The following MSI2 variants were observed in gnomAD, a reference collection of about 807,000 sequenced individuals.
MSI2 encodes the protein musashi RNA binding protein 2, also known as RNA-binding protein Musashi homolog 2.
Under a neutral mutation model 45.6 loss-of-function variants are expected in MSI2, and 17 were observed. The observed-to-expected ratio is 0.37, with a 90% CI of 0.26 to 0.56. MSI2 has a LOEUF of 0.56. Ranked by LOEUF, MSI2 falls within the 20% of genes least tolerant of loss-of-function variation. The pLI, the probability that MSI2 is intolerant of heterozygous loss-of-function variation, is 0.77. For synonymous variants in MSI2, 156 were observed against 158.2 expected (o/e 0.99, Z 0.11); for missense variants, 293 against 444.2 (o/e 0.66, Z 3.06).
intron 5 of MSI2, among the ~76,000 whole-genome samples, chr17:57,295,285 G>T (rs1910824970): frequency 6.6e-6 from 1 of 152,110 alleles, no homozygotes; most frequent in African/African-American, 2.4e-5. Context: ...TGCTTGCTTA[G>T]GGAGATGGCT....
intron 6 of MSI2, chr17:57,450,259 G>GAAAGAAAGAAAGAAAGAAAGAAAGAAAGA (rs2084976416): frequency 8.7e-5 from 1 of 11,500 alleles, no homozygotes; most frequent in Non-Finnish European, 4.7e-4. Flanking sequence ...CCAGCTTAAA[G>GAAAGAAAGAAAGAAAGAAAGAAAGAAAGA]AAAGAAAGAA....
intron 7 of MSI2, among the ~76,000 whole-genome samples, chr17:57,565,560 C>T (rs1567903922): frequency 6.6e-6 from 1 of 152,216 alleles, no homozygotes; most frequent in Non-Finnish European, 1.5e-5. Flanking sequence ...TGTCCTGCTC[C>T]ATCACAGCCT....
chr17:57,556,717 C>T lies in MSI2; in HGVS notation c.454+26993C>T, dbSNP rs185582487. 3.9e-5 allele frequency among the ~76,000 whole-genome samples: 6 copies of T among 152,260 alleles called. No individual in the cohort carries two copies. In the East Asian group the frequency reaches 7.7e-4, roughly 20 times the overall value. Reference sequence around the variant, plus strand: ...TTTGCAGAGGCTTGCGGCACTATGACGAGGGTCACACCTGATGTTCAGAGC... The same window carrying T: ...TTTGCAGAGGCTTGCGGCACTATGATGAGGGTCACACCTGATGTTCAGAGC... On this transcript the variant is annotated intron_variant, in intron 7 of 13. Coordinates refer to ENST00000284073, the MANE Select transcript of MSI2 (RefSeq NM_138962.4).
At chr17:57,260,526 T>C (rs1226296132) in intron 4 of MSI2, among the ~76,000 whole-genome samples, 2 of 152,086 alleles carry the variant, frequency 1.3e-5, no homozygotes, top group African/African-American at 4.8e-5. Flanking sequence ...TGGGGAGTAT[T>C]TATAAAAAGA....
intron 6 of MSI2, among the ~76,000 whole-genome samples, chr17:57,478,069 C>T (rs2085576001): frequency 6.6e-6 from 1 of 152,178 alleles, no homozygotes; most frequent in Non-Finnish European, 1.5e-5. Context: ...AGAAGACTCG[C>T]CCACCCAGAG....
rs186112303 is a variant in MSI2, at chr17:57,627,009, G to A, written c.653-220G>A. The A allele has an allele frequency of 3.3e-6, 2 of 597,802 alleles. No homozygotes were observed. The highest frequency in any genetic ancestry group is 6.0e-6 in the Non-Finnish European group (2 of 335,196). 37.0% of individuals were successfully genotyped at this position (597,802 alleles called of 1,614,324 possible). On this transcript the variant is annotated intron_variant, in intron 9 of 13. Coordinates refer to ENST00000284073, the MANE Select transcript of MSI2 (RefSeq NM_138962.4). The surrounding 1 kb of genome is among the most constrained non-coding windows in gnomAD (Gnocchi z 4.6). Reference sequence around the variant, plus strand: ...AAGTACATGGGCTTTGCGGGGTCTGGCTGCCCAAATATGGGTTAATTAGCA... The same window carrying A: ...AAGTACATGGGCTTTGCGGGGTCTGACTGCCCAAATATGGGTTAATTAGCA...
intron 6 of MSI2, among the ~76,000 whole-genome samples, chr17:57,507,954 T>G (rs2143920757): frequency 6.6e-6 from 1 of 152,308 alleles, no homozygotes; most frequent in East Asian, 1.9e-4. Flanking sequence ...CTTGCTGCAT[T>G]TTCTTTTTAA....
intron 7 of MSI2, among the ~76,000 whole-genome samples, chr17:57,568,053 G>T (rs1266968627): frequency 6.6e-6 from 1 of 152,134 alleles, no homozygotes; most frequent in Admixed American, 6.5e-5. Context: ...CTAACTCCAA[G>T]ACCTATGTTC....
chr17:57,439,952 G>C (rs1371034960), intron 6 of MSI2, among the ~76,000 whole-genome samples: 1 of 151,766 alleles, frequency 6.6e-6, no homozygotes, highest in Non-Finnish European at 1.5e-5. Context: ...TGGGATAAGA[G>C]GGGGGGTCTG....
At chr17:57,521,083 G>A (rs1315760299) in intron 6 of MSI2, among the ~76,000 whole-genome samples, 1 of 152,214 alleles carries the variant, frequency 6.6e-6, no homozygotes, top group African/African-American at 2.4e-5. Context: ...CATTTGGAAT[G>A]AAGGAAAAAC....
chr17:57,676,881 G>A (rs1427622767), intron 12 of MSI2, 106 bp from the exon 13 acceptor site: 1 of 798,206 alleles, frequency 1.3e-6, no homozygotes, highest in African/African-American at 1.7e-5. Context: ...ACATATTCAT[G>A]CTGGCAACCA....
At chr17:57,647,905 GT>G (rs35455641) in intron 10 of MSI2, among the ~76,000 whole-genome samples, 23,742 of 151,580 alleles carry the variant, frequency 0.16, 2,144 homozygotes, top group East Asian at 0.3. Flanking sequence ...GCCTCCCAAA[GT>G]GCTAGGATTA....
At chr17:57,478,740 G>A (rs1325326234) in intron 6 of MSI2, among the ~76,000 whole-genome samples, 1 of 152,168 alleles carries the variant, frequency 6.6e-6, no homozygotes, top group East Asian at 1.9e-4. Flanking sequence ...GTGCAAAGCA[G>A]CCTTGGTTTT....
At chr17:57,358,852 T>C (rs115826099) in intron 5 of MSI2, among the ~76,000 whole-genome samples, 2,548 of 152,240 alleles carry the variant, frequency 0.017, 69 homozygotes, top group African/African-American at 0.057. Flanking sequence ...GAAGATGATA[T>C]GTTGCTAGGG....
chr17:57,583,971 A>T (rs1427296711), intron 7 of MSI2, among the ~76,000 whole-genome samples: 2 of 152,218 alleles, frequency 1.3e-5, no homozygotes, highest in African/African-American at 4.8e-5. Context: ...TTTAATTTGC[A>T]TAAAATCACC....
At chr17:57,268,652 A>G (rs1908050863) in intron 5 of MSI2, 1 of 152,108 alleles carries the variant, frequency 6.6e-6, no homozygotes, top group South Asian at 2.1e-4. Context: ...CCTGGCCAAG[A>G]TGGTGAAACC....
chr17:57,343,509 C>T lies in MSI2; in HGVS notation c.313-57870C>T, dbSNP rs142748636. Among the ~76,000 whole-genome samples, 235 of 152,118 alleles carry T rather than the reference C, an allele frequency of 1.5e-3. 1 individual carries two copies. Among genetic ancestry groups the T allele is most frequent in the Non-Finnish European group, 2.6e-3 (179 of 67,958 alleles). On this transcript the variant is annotated intron_variant, in intron 5 of 13. Transcript: ENST00000284073. ...CTTGAGTCATTAGGGAATAATTGTACGCATTGTGACCCTCCACTCCTAAAT... is the reference window on the plus strand; with the variant it reads ...CTTGAGTCATTAGGGAATAATTGTATGCATTGTGACCCTCCACTCCTAAAT...
At chr17:57,518,049 C>T (rs1475987054) in intron 6 of MSI2, among the ~76,000 whole-genome samples, 3 of 152,032 alleles carry the variant, frequency 2.0e-5, no homozygotes. Flanking sequence ...CAGAGCTCTC[C>T]CTCTCCCTCA....
At chr17:57,462,535 T>A (rs1040081326) in intron 6 of MSI2, among the ~76,000 whole-genome samples, 6 of 152,232 alleles carry the variant, frequency 3.9e-5, no homozygotes, top group African/African-American at 1.4e-4. Flanking sequence ...AGGCTGCAGT[T>A]CCCAGCAGGG....
Sources: gnomAD v4.1 joint callset for allele counts (sites outside exome capture counted in the v4.1 genomes callset) on GRCh38, gnomAD v4.1.1 for gene constraint, Gnocchi (gnomAD v3.1) non-coding constraint, MANE v1.5 for transcripts, NCBI Gene and HGNC (gene_info 2026-07-23, HGNC 2026-07-21) for gene names.